Variants in ZNF423 observed in about 807,000 individuals in gnomAD.
ZNF423 encodes zinc finger protein 423, also known as Ebf-associated zinc finger protein.
Under a neutral mutation model 95.8 loss-of-function variants are expected in ZNF423, and 12 were observed. The ratio of observed to expected loss-of-function variants is 0.13; its 90% CI spans 0.08 to 0.20. The LOEUF is 0.20. Among genes scored for constraint, ZNF423 ranks in the 10% least tolerant of loss-of-function variants. The pLI is 1.00. For synonymous variants in ZNF423, 749 were observed against 711.9 expected, an observed-to-expected ratio of 1.05 and a Z score of -0.83; for missense variants, 1,316 against 1,737.1, an observed-to-expected ratio of 0.76 and a Z score of 4.31.
At chr16:49,744,246 C>T (rs2143516853) in intron 2 of ZNF423, among the ~76,000 whole-genome samples, 1 of 152,384 alleles carries the variant, frequency 6.6e-6, no homozygotes, top group East Asian at 1.9e-4. Flanking sequence ...AGGCACAGAA[C>T]AAAGCCAATG....
At chr16:49,833,182 C>T (rs566524700) in intron 1 of ZNF423, among the ~76,000 whole-genome samples, 51 of 152,274 alleles carry the variant, frequency 3.3e-4, no homozygotes, top group African/African-American at 1.1e-3. Context: ...TCACAAGCTC[C>T]GCCCAGCAGG....
chr16:49,742,296 G>A (rs913424359), intron 2 of ZNF423, among the ~76,000 whole-genome samples: 1 of 152,152 alleles, frequency 6.6e-6, no homozygotes, highest in Admixed American at 6.5e-5. Flanking sequence ...ACTACAGTGG[G>A]TCAGGAATGA....
intron 3 of ZNF423, among the ~76,000 whole-genome samples, chr16:49,729,787 A>C (rs2033117710): frequency 6.6e-6 from 1 of 152,212 alleles, no homozygotes; most frequent in Middle Eastern, 3.4e-3. Context: ...GCAGTTCCCC[A>C]AACACTTAAT....
At position 49,637,096 on chromosome 16, in the gene ZNF423, T is replaced by C. The variant is rs987591738; in HGVS notation, c.2080A>G (p.Met694Val). The C allele has an allele frequency of 1.2e-6, 2 of 1,613,662 alleles. No homozygotes were observed. The highest frequency in any genetic ancestry group is 1.7e-5 in the Admixed American group (1 of 60,018). The change falls in exon 4 of 8, where the codon ATG becomes GTG. Residue 694 changes from methionine (M) to valine (V), a missense_variant. Coordinates refer to ENST00000563137, the MANE Select transcript of ZNF423 (RefSeq NM_001379286.1). The surrounding 1 kb of genome is among the most constrained non-coding windows in gnomAD (Gnocchi z 5.6). The part of the protein sequence containing the change: ...SLLQHLTVHY[M>V]TTSTHYVCES... ...CACACATAGTGGGTCGACGTGGTCATGTAATGCACTGTCAGGTGCTGCAGG... is the reference window on the plus strand; with the variant it reads ...CACACATAGTGGGTCGACGTGGTCACGTAATGCACTGTCAGGTGCTGCAGG...
intron 2 of ZNF423, among the ~76,000 whole-genome samples, chr16:49,758,034 C>T (rs1345794243): frequency 6.6e-6 from 1 of 152,192 alleles, no homozygotes; most frequent in African/African-American, 2.4e-5. Flanking sequence ...GAGTGAACAC[C>T]TGCTAAATGG....
rs542140144 is a variant in ZNF423, at chr16:49,781,468, T to C, written c.100+8019A>G. Reference sequence around the variant, plus strand: ...TTCAGCGTGGACTTCATCTAGAAGCTTATAGACGAATGGAGCTCGAAAGGG... The same window carrying C: ...TTCAGCGTGGACTTCATCTAGAAGCCTATAGACGAATGGAGCTCGAAAGGG... On this transcript the variant is annotated intron_variant, in intron 2 of 7. Transcript: ENST00000563137. Among the ~76,000 whole-genome samples, 4 of 152,248 alleles carry C rather than the reference T, an allele frequency of 2.6e-5. No individual in the cohort carries two copies. In the South Asian group the frequency reaches 8.3e-4, roughly 32 times the overall value.
chr16:49,848,826 G>C (rs2035272615), intron 1 of ZNF423, among the ~76,000 whole-genome samples: 1 of 152,188 alleles, frequency 6.6e-6, no homozygotes, highest in Non-Finnish European at 1.5e-5. Flanking sequence ...GTCATCTGGA[G>C]GCAGTTGGCA....
chr16:49,795,855 G>GT (rs1002899566), intron 1 of ZNF423, among the ~76,000 whole-genome samples: 1 of 152,348 alleles, frequency 6.6e-6, no homozygotes, highest in African/African-American at 2.4e-5. Context: ...AAGAGAAAGG[G>GT]TGTTTGCGGC....
intron 1 of ZNF423, chr16:49,853,876 T>C (rs2035328246): frequency 1.0e-6 from 1 of 985,266 alleles, no homozygotes. Context: ...GGATTGGAAG[T>C]CTAGGTAAGC....
At chr16:49,625,500 GGCCA>G (rs1972229278) in intron 5 of ZNF423, among the ~76,000 whole-genome samples, 1 of 152,180 alleles carries the variant, frequency 6.6e-6, no homozygotes, top group South Asian at 2.1e-4. Flanking sequence ...GCCCATCCCA[GGCCA>G]GCCCCTTCCC....
At chr16:49,694,937 C>A (rs1412356527) in intron 3 of ZNF423, among the ~76,000 whole-genome samples, 2 of 152,178 alleles carry the variant, frequency 1.3e-5, no homozygotes, top group African/African-American at 4.8e-5. Flanking sequence ...CTTACAAATA[C>A]TTGTCCACCT....
intron 2 of ZNF423, among the ~76,000 whole-genome samples, chr16:49,735,081 A>G (rs2033253725): frequency 6.6e-6 from 1 of 151,368 alleles, no homozygotes; most frequent in Non-Finnish European, 1.5e-5. Context: ...AGTTTGTAAA[A>G]CCCCTCAAAG....
At chr16:49,528,310 C>T (rs1968698486) in intron 5 of ZNF423, among the ~76,000 whole-genome samples, 1 of 152,192 alleles carries the variant, frequency 6.6e-6, no homozygotes, top group Non-Finnish European at 1.5e-5. Context: ...TTCATAGCCG[C>T]AGCTACACCC....
intron 1 of ZNF423, among the ~76,000 whole-genome samples, chr16:49,827,349 A>G (rs2035015647): frequency 6.6e-6 from 1 of 151,794 alleles, no homozygotes; most frequent in Non-Finnish European, 1.5e-5. Flanking sequence ...CAAACTGTAT[A>G]CATTTCACTT....
chr16:49,783,843 G>A (rs1284109395), intron 2 of ZNF423, among the ~76,000 whole-genome samples: 1 of 151,906 alleles, frequency 6.6e-6, no homozygotes, highest in Admixed American at 6.5e-5. Flanking sequence ...GATGGCACGT[G>A]CCTGTAGTCC....
intron 7 of ZNF423, among the ~76,000 whole-genome samples, chr16:49,501,585 C>T (rs559787284): frequency 1.3e-5 from 2 of 152,084 alleles, no homozygotes; most frequent in South Asian, 4.2e-4. Context: ...CATATGTCCA[C>T]TGCAGCACTA....
chr16:49,697,886 T>C (rs1007563022), intron 3 of ZNF423, among the ~76,000 whole-genome samples: 2 of 152,228 alleles, frequency 1.3e-5, no homozygotes, highest in African/African-American at 4.8e-5. Context: ...GAGCAATGCC[T>C]TTCAAGGGAC....
intron 7 of ZNF423, among the ~76,000 whole-genome samples, chr16:49,503,595 T>A (rs1388993585): frequency 6.6e-6 from 1 of 152,162 alleles, no homozygotes; most frequent in Admixed American, 6.5e-5. Context: ...AGGCTTCCTG[T>A]CCGCTGACCA....
At chr16:49,497,602 C>T (rs879560554) in intron 7 of ZNF423, among the ~76,000 whole-genome samples, 6 of 152,200 alleles carry the variant, frequency 3.9e-5, no homozygotes, top group Non-Finnish European at 7.3e-5. Flanking sequence ...CTGTGATTTC[C>T]GGTTGGGAAA....
Sources: gnomAD v4.1 joint callset for allele counts (sites outside exome capture counted in the v4.1 genomes callset) on GRCh38, gnomAD v4.1.1 for gene constraint, Gnocchi (gnomAD v3.1) non-coding constraint, MANE v1.5 for transcripts, NCBI Gene and HGNC (gene_info 2026-07-23, HGNC 2026-07-21) for gene names.